XRCC4: variants seen among roughly 807,000 people sequenced by gnomAD.
XRCC4 encodes DNA repair protein XRCC4.
In XRCC4, 28 loss-of-function variants were observed where a neutral mutation model predicts 39.1. That is an observed-to-expected ratio of 0.72 (90% CI 0.53 to 0.98). The LOEUF is 0.98. Among genes scored for constraint, XRCC4 ranks in the 50% least tolerant of loss-of-function variants. The pLI is 0.00. For synonymous variants in XRCC4, 123 were observed against 126.4 expected (o/e 0.97, Z 0.18); for missense variants, 350 against 376.4 (o/e 0.93, Z 0.58).
intron 3 of XRCC4, among the ~76,000 whole-genome samples, chr5:83,140,277 C>T (rs967653399): frequency 1.3e-5 from 2 of 152,166 alleles, no homozygotes; most frequent in Non-Finnish European, 2.9e-5. Flanking sequence ...AGCTGATAGT[C>T]TGTGGCCAAA....
At chr5:83,147,256 T>G (rs182612792) in intron 3 of XRCC4, among the ~76,000 whole-genome samples, 9 of 152,206 alleles carry the variant, frequency 5.9e-5, no homozygotes, top group Admixed American at 4.6e-4. Flanking sequence ...AGGCTTTGTC[T>G]CTAAGAAACA....
At chr5:83,134,030 G>A (rs1395887399) in intron 3 of XRCC4, among the ~76,000 whole-genome samples, 1 of 152,226 alleles carries the variant, frequency 6.6e-6, no homozygotes, top group Admixed American at 6.5e-5. Context: ...GGCTGGGCAA[G>A]CGCCGCAGTC....
intron 3 of XRCC4, among the ~76,000 whole-genome samples, chr5:83,113,896 G>A (rs1001339326): frequency 2.0e-5 from 3 of 152,212 alleles, no homozygotes; most frequent in Non-Finnish European, 4.4e-5. Context: ...AAAGTGCTGG[G>A]ATTACAGGCG....
intron 3 of XRCC4, among the ~76,000 whole-genome samples, chr5:83,190,800 C>G (rs189182667): frequency 4.1e-4 from 62 of 152,204 alleles, no homozygotes; most frequent in African/African-American, 1.2e-3. Flanking sequence ...ACTATACATT[C>G]TTTAAAAAAC....
At chr5:83,309,204 G>A (rs1231497373) in intron 7 of XRCC4, among the ~76,000 whole-genome samples, 12 of 140,726 alleles carry the variant, frequency 8.5e-5, no homozygotes, top group Non-Finnish European at 1.5e-4. Flanking sequence ...GCATGAACCC[G>A]GGAGGCGAGC....
chr5:83,282,278 C>A (rs1754569147), intron 7 of XRCC4, among the ~76,000 whole-genome samples: 1 of 151,846 alleles, frequency 6.6e-6, no homozygotes, highest in South Asian at 2.1e-4. Context: ...AGGAAAATAA[C>A]CAGGAATGTA....
rs146091169 is a variant in XRCC4, at chr5:83,083,219, G to A, written c.-11+5604G>A. The stretch of plus-strand genomic sequence containing the variant: ...ATATTTGTTACATGTATTTTTAATT[G>A]TGTTCCCCTATTAAAATGTAAAATC... On this transcript the variant is annotated intron_variant, in intron 1 of 7. Coordinates refer to ENST00000396027, the MANE Select transcript of XRCC4 (RefSeq NM_003401.5). Among the ~76,000 whole-genome samples, 1,289 of 151,594 alleles carry A rather than the reference G, an allele frequency of 8.5e-3. 24 individuals carry two copies. The highest frequency in any genetic ancestry group is 0.03 in the African/African-American group (1,220 of 41,228).
At position 83,231,913 on chromosome 5, in the gene XRCC4, A is replaced by G. The variant is rs76045245; in HGVS notation, c.746-26617A>G. The stretch of plus-strand genomic sequence containing the variant: ...CATTTCTATGGATTTGTCATTTGTT[A>G]CAGTTTAAATGCATCACAATTCCCT... On this transcript the variant is annotated intron_variant, in intron 6 of 7. Coordinates refer to ENST00000396027, the MANE Select transcript of XRCC4 (RefSeq NM_003401.5). Among the ~76,000 whole-genome samples the G allele has an allele frequency of 2.5e-3, 382 of 152,200 alleles. 1 individual carries two copies. The highest frequency in any genetic ancestry group is 8.8e-3 in the African/African-American group (367 of 41,574).
At chr5:83,289,983 A>G (rs1754861271) in intron 7 of XRCC4, among the ~76,000 whole-genome samples, 1 of 151,780 alleles carries the variant, frequency 6.6e-6, no homozygotes, top group African/African-American at 2.4e-5. Flanking sequence ...GGCCTCCAGG[A>G]GTTTCTCACT....
intron 3 of XRCC4, among the ~76,000 whole-genome samples, chr5:83,148,539 A>G (rs192666911): frequency 6.6e-6 from 1 of 152,304 alleles, no homozygotes; most frequent in Admixed American, 6.5e-5. Context: ...ATTGCTCACT[A>G]GAATACATGA....
chr5:83,258,187 T>TAA (rs201678712), intron 6 of XRCC4, among the ~76,000 whole-genome samples: 1 of 151,350 alleles, frequency 6.6e-6, no homozygotes. Context: ...TAAAAGATAA[T>TAA]AAAAAAAAAC....
intron 7 of XRCC4, among the ~76,000 whole-genome samples, chr5:83,330,819 G>A (rs953517495): frequency 6.6e-6 from 1 of 151,984 alleles, no homozygotes; most frequent in African/African-American, 2.4e-5. Context: ...CCCTTTTAAT[G>A]CTGGTAAGAA....
At position 83,269,599 on chromosome 5, in the gene XRCC4, G is replaced by T. The variant is rs115932892; in HGVS notation, c.893+10922G>T. 2.7e-3 allele frequency among the ~76,000 whole-genome samples: 403 copies of T among 150,582 alleles called. 3 individuals are homozygous for T. The highest frequency in any genetic ancestry group is 9.4e-3 in the African/African-American group (390 of 41,286). On this transcript the variant is annotated intron_variant, in intron 7 of 7. Transcript: ENST00000396027. The stretch of plus-strand genomic sequence containing the variant: ...AGAGTTCAAAAAATAACCTGAAATT[G>T]GGAATTCAGTAAAAATAGACAGTTA...
intron 3 of XRCC4, among the ~76,000 whole-genome samples, chr5:83,141,068 C>G (rs1748148099): frequency 6.6e-6 from 1 of 152,198 alleles, no homozygotes; most frequent in South Asian, 2.1e-4. Flanking sequence ...GCTATAAACA[C>G]AATTCTTTTG....
chr5:83,261,023 A>C (rs1235293933), intron 7 of XRCC4, among the ~76,000 whole-genome samples: 1 of 152,028 alleles, frequency 6.6e-6, no homozygotes, highest in Non-Finnish European at 1.5e-5. Context: ...AAATAAAACA[A>C]AATGTTAAAT....
intron 6 of XRCC4, among the ~76,000 whole-genome samples, chr5:83,244,732 G>C (rs1753037821): frequency 6.6e-6 from 1 of 152,128 alleles, no homozygotes; most frequent in Non-Finnish European, 1.5e-5. Flanking sequence ...CTGTGCTGAG[G>C]TCTGGAAAGT....
intron 7 of XRCC4, among the ~76,000 whole-genome samples, chr5:83,341,373 C>G (rs538643492): frequency 6.6e-6 from 1 of 152,084 alleles, no homozygotes; most frequent in Non-Finnish European, 1.5e-5. Flanking sequence ...AATGTATATA[C>G]ACACATATTC....
chr5:83,329,093 A>T (rs190684852), intron 7 of XRCC4, among the ~76,000 whole-genome samples: 3 of 152,202 alleles, frequency 2.0e-5, no homozygotes, highest in African/African-American at 7.2e-5. Context: ...TTTTATTTAA[A>T]AAATAATGAA....
chr5:83,304,715 T>G (rs1166630724), intron 7 of XRCC4, among the ~76,000 whole-genome samples: 1 of 109,850 alleles, frequency 9.1e-6, no homozygotes, highest in East Asian at 2.0e-4. Flanking sequence ...ATCTATAAAT[T>G]TTCCATGTTA....
Sources: allele counts gnomAD v4.1 joint callset (sites outside exome capture counted in the v4.1 genomes callset), GRCh38; gene constraint gnomAD v4.1.1; transcripts MANE v1.5; gene names NCBI Gene and HGNC (gene_info 2026-07-23, HGNC 2026-07-21).